Variants in ADAT3 observed in about 807,000 individuals in gnomAD.
ADAT3 encodes the protein adenosine deaminase tRNA specific 3.
Under a neutral mutation model 3.5 loss-of-function variants are expected in ADAT3, and 2 were observed. The observed-to-expected ratio is 0.57, with a 90% confidence interval of 0.23 to 1.79. The LOEUF is 1.79. ADAT3 is among the 40% of genes most tolerant of loss of function. The pLI is 0.18. For missense variants in ADAT3, 735 were observed against 571.4 expected (o/e 1.29, Z -2.92); for synonymous variants, 358 against 270.3 (o/e 1.32, Z -3.18).
At chr19:1,910,454 C>G (rs1428585948) in intron 1 of ADAT3, among the ~76,000 whole-genome samples, 1 of 151,930 alleles carries the variant, frequency 6.6e-6, no homozygotes, top group East Asian at 1.9e-4. Context: ...GGTGGTGAGA[C>G]AAGTTTTCTC....
Position 1,912,802 on chromosome 19 carries a change from AGGGCCGCGGCAC to A in ADAT3, c.756_767del (p.Gln252_Thr256delinsHis). The A allele has an allele frequency of 6.3e-7, 1 of 1,575,142 alleles. No homozygotes were observed. Among genetic ancestry groups the A allele is most frequent in the Non-Finnish European group, 8.6e-7 (1 of 1,168,978 alleles). On this transcript the variant is annotated inframe_deletion, in exon 2 of 2. Transcript: ENST00000329478. ...TGCGTGGACCTCGTGGCGCGCGGCC[AGGGCCGCGGCAC>A]CTACGACTTCAGACCCTTCCCCGCC...
chr19:1,908,978 G>A lies in ADAT3; in HGVS notation c.-158-2912G>A, dbSNP rs1268845197. ...AAATTAGCCGGGCGTGGTGGCATGT[G>A]CCTGTATTCCCAGCTACTAGGGGGG... On this transcript the variant is annotated intron_variant, in intron 1 of 1. Transcript: ENST00000329478. This position sits in a 1 kb window ranked among gnomAD's most constrained non-coding sequence, Gnocchi z 4.2. 6.6e-6 allele frequency among the ~76,000 whole-genome samples: 1 copy of A among 152,104 alleles called. No homozygotes were observed. The highest frequency in any genetic ancestry group is 2.4e-5 in the African/African-American group (1 of 41,402).
rs920345751 is a variant in ADAT3 at position 1,912,287 on chromosome 19, G to C, written c.240G>C (p.Ser80=). The C allele has an allele frequency of 3.2e-6, 5 of 1,577,000 alleles. No individual in the cohort carries two copies. The highest frequency in any genetic ancestry group is 1.2e-5 in the South Asian group (1 of 86,272). Residue 80 remains serine (S), a synonymous_variant, in exon 2 of 2, where the codon TCG becomes TCC. Coordinates refer to ENST00000329478, the MANE Select transcript of ADAT3 (RefSeq NM_138422.4). ...RQTSRLLKEV[S]ALHPLPAQPH... is the part of the protein sequence containing the mutation. The stretch of plus-strand genomic sequence containing the variant: ...CCTCACGCCTCCTGAAGGAGGTGTC[G>C]GCCCTGCACCCGCTCCCCGCCCAGC...
chr19:1,909,104 G>GA (rs774397199), intron 1 of ADAT3, among the ~76,000 whole-genome samples: 256 of 129,762 alleles, frequency 2.0e-3, no homozygotes, highest in Middle Eastern at 9.5e-3. Context: ...GACTCTGTCT[G>GA]AAAAAAAAAA....
At chr19:1,911,139 T>C (rs34062947) in intron 1 of ADAT3, among the ~76,000 whole-genome samples, 9,721 of 152,184 alleles carry the variant, frequency 0.064, 383 homozygotes, top group East Asian at 0.12. Context: ...CCTCCCAAAG[T>C]GCTAGGATTA....
Position 1,913,319 on chromosome 19 carries a change from T to G in ADAT3, c.*168T>G. ...GCCTTCCGTGCGGATCGAGCTTTCC[T>G]GGACTCGGTCATTGGGGCCACCCCG... On this transcript the variant is annotated 3_prime_UTR_variant, in exon 2 of 2. Transcript: ENST00000329478. 9.3e-7 allele frequency: 1 copy of G among 1,077,930 alleles called. No individual in the cohort carries two copies. Among genetic ancestry groups the G allele is most frequent in the South Asian group, 1.7e-5 (1 of 58,028 alleles). 66.8% of individuals were successfully genotyped at this position (1,077,930 alleles called of 1,614,324 possible).
Position 1,908,582 on chromosome 19 carries a change from C to T in ADAT3, c.-159+3143C>T, listed in dbSNP as rs1187535723. 2.1e-6 allele frequency: 1 copy of T among 470,966 alleles called. No homozygotes were observed. The highest frequency in any genetic ancestry group is 4.4e-6 in the Non-Finnish European group (1 of 227,042). The allele number at this position is 470,966 out of a possible 1,614,324, so 29.2% of individuals were successfully genotyped here. A position where few individuals can be genotyped will look rare whatever the true frequency, so the allele number is the denominator to read the frequency against. On this transcript the variant is annotated intron_variant, in intron 1 of 1. Transcript: ENST00000329478. This position sits in a 1 kb window ranked among gnomAD's most constrained non-coding sequence, Gnocchi z 4.2. ...CATTTTAAGATCATCTGCGGCTTAG[C>T]CCCAGCACCATCTGAGGCAGTACTG...
intron 1 of ADAT3, among the ~76,000 whole-genome samples, chr19:1,910,588 T>C (rs2145431415): frequency 6.7e-6 from 1 of 149,652 alleles, no homozygotes; most frequent in East Asian, 1.9e-4. Context: ...TTTTTTTTTT[T>C]TTTTTTTGAG....
Position 1,906,866 on chromosome 19 carries a change from T to TG in ADAT3, c.-159+1427_-159+1428insG, listed in dbSNP as rs1555836653. 383 of 130,076 alleles carry TG rather than the reference T, an allele frequency of 2.9e-3. 1 individual carries two copies. The highest frequency in any genetic ancestry group is 4.5e-3 in the East Asian group (19 of 4,216). The allele number at this position is 130,076 out of a possible 1,614,324, so 8.1% of individuals were successfully genotyped here. On this transcript the variant is annotated intron_variant, in intron 1 of 1. Coordinates refer to ENST00000329478, the MANE Select transcript of ADAT3 (RefSeq NM_138422.4). ...ACTCCGTCTCAAAAAAAAAAAAAAATTGTGTGTGTGTGTGTGTGTGTGTAA... is the reference window on the plus strand; with the variant it reads ...ACTCCGTCTCAAAAAAAAAAAAAAATGTGTGTGTGTGTGTGTGTGTGTGTAA...
At position 1,912,862 on chromosome 19, in the gene ADAT3, C is replaced by A; in HGVS notation, c.815C>A (p.Ala272Asp). The change falls in exon 2 of 2, where the codon GCC becomes GAC. Residue 272 changes from alanine to aspartate, a missense_variant. Physicochemically the swap from Ala to Asp is moderately radical, Grantham distance 126. Transcript: ENST00000329478. ...GCCTGCTCCTTCGCCCCGGCCGCTG[C>A]CCCCCAGGCCGTCCGCGCAGGCGCC... ...FPACSFAPAAAPQAVRAGAVR... is the reference protein window; with the variant it reads ...FPACSFAPAADPQAVRAGAVR... 1 of 1,598,740 alleles carries A rather than the reference C, an allele frequency of 6.3e-7. No individual in the cohort carries two copies. The highest frequency in any genetic ancestry group is 8.5e-7 in the Non-Finnish European group (1 of 1,177,134).
rs770500546 is a variant in ADAT3, at chr19:1,912,151, C to T, written c.104C>T (p.Pro35Leu). The T allele has an allele frequency of 1.3e-5, 20 of 1,566,390 alleles. No individual in the cohort carries two copies. The African/African-American group carries it at 1.6e-4, about 13-fold the overall frequency. ...CCCAAGTGCTTGGAGGCCGGGAGCC[C>T]GGAGCCTGAGCCGGCGCCGTGGCAG... ...EQPKCLEAGSPEPEPAPWQAL... is the reference protein window; with the variant it reads ...EQPKCLEAGSLEPEPAPWQAL... The change falls in exon 2 of 2, where the codon CCG becomes CTG. Residue 35 changes from proline (P) to leucine (L), a missense_variant. Physicochemically the swap from Pro to Leu is moderately conservative, Grantham distance 98. Transcript: ENST00000329478.
In ADAT3 at chr19:1,912,701, G is replaced by C; in HGVS notation, c.654G>C (p.Pro218=). ...LRAVGAVVVD[P]ASDRVLATGH... is the part of the protein sequence containing the mutation. ...CCGTGGGGGCCGTGGTAGTGGACCC[G>C]GCCTCGGACCGCGTGCTGGCCACCG... Residue 218 remains proline, a synonymous_variant, in exon 2 of 2, where the codon CCG becomes CCC. Coordinates refer to ENST00000329478, the MANE Select transcript of ADAT3 (RefSeq NM_138422.4). 2.0e-6 allele frequency: 3 copies of C among 1,488,800 alleles called. No homozygotes were observed. The highest frequency in any genetic ancestry group is 2.7e-6 in the Non-Finnish European group (3 of 1,127,926). 92.2% of individuals were successfully genotyped at this position (1,488,800 alleles called of 1,614,324 possible).
At position 1,912,914 on chromosome 19, in the gene ADAT3, C is replaced by T. The variant is rs188235892; in HGVS notation, c.867C>T (p.Asp289=). The T allele has an allele frequency of 9.9e-6, 16 of 1,609,502 alleles. No individual in the cohort carries two copies. Among genetic ancestry groups the T allele is most frequent in the Middle Eastern group, 1.7e-4 (1 of 6,056 alleles). The change falls in exon 2 of 2, where the codon GAC becomes GAT. Residue 289 remains aspartate (D), a synonymous_variant. Transcript: ENST00000329478. ...GAVRKLDADE[D]GLPYLCTGYD... The stretch of plus-strand genomic sequence containing the variant: ...TGCGTAAACTGGACGCAGACGAGGA[C>T]GGCCTCCCCTACCTGTGCACTGGCT...
At chr19:1,909,687 G>A (rs1181392627) in intron 1 of ADAT3, among the ~76,000 whole-genome samples, 3 of 152,298 alleles carry the variant, frequency 2.0e-5, no homozygotes, top group East Asian at 1.9e-4. Context: ...CACACTGCCC[G>A]GCAGTCAGGG....
At position 1,905,456 on chromosome 19, in the gene ADAT3, G is replaced by A; in HGVS notation, c.-159+17G>A. 2.2e-6 allele frequency: 1 copy of A among 458,756 alleles called. No homozygotes were observed. Among genetic ancestry groups the A allele is most frequent in the Non-Finnish European group, 4.5e-6 (1 of 221,142 alleles). The allele number at this position is 458,756 out of a possible 1,614,324, so 28.4% of individuals were successfully genotyped here. On this transcript the variant is annotated intron_variant, in intron 1 of 1. Coordinates refer to ENST00000329478, the MANE Select transcript of ADAT3 (RefSeq NM_138422.4). ...ATCCCTCAGGTAAGCGCGCGGCCCCGAGGTCTCGGGTTCTCCAGGCTCAGA... is the reference window on the plus strand; with the variant it reads ...ATCCCTCAGGTAAGCGCGCGGCCCCAAGGTCTCGGGTTCTCCAGGCTCAGA...
In ADAT3 at chr19:1,908,755, T is replaced by C. The variant is rs962433254; in HGVS notation, c.-158-3135T>C. The C allele has an allele frequency of 2.8e-6, 1 of 361,658 alleles. No individual in the cohort carries two copies. Among genetic ancestry groups the C allele is most frequent in the Non-Finnish European group, 5.4e-6 (1 of 184,666 alleles). The allele number at this position is 361,658 out of a possible 1,614,324, so 22.4% of individuals were successfully genotyped here. ...CTTAAGTGATCCTCTCGCCTTGGTCTCCTGAGTAGCTGGGACTACATGTGC... is the reference window on the plus strand; with the variant it reads ...CTTAAGTGATCCTCTCGCCTTGGTCCCCTGAGTAGCTGGGACTACATGTGC... On this transcript the variant is annotated intron_variant, in intron 1 of 1. Transcript: ENST00000329478. The surrounding 1 kb of genome is among the most constrained non-coding windows in gnomAD (Gnocchi z 4.2).
In ADAT3 at chr19:1,912,700, C is replaced by G. The variant is rs1033232406; in HGVS notation, c.653C>G (p.Pro218Arg). The G allele has an allele frequency of 8.1e-6, 12 of 1,485,908 alleles. No homozygotes were observed. The African/African-American group carries it at 1.8e-4, about 22-fold the overall frequency. 92.0% of individuals were successfully genotyped at this position (1,485,908 alleles called of 1,614,324 possible). A position where few individuals can be genotyped will look rare whatever the true frequency, so the allele number is the denominator to read the frequency against. ...LRAVGAVVVD[P>R]ASDRVLATGH... is the part of the protein sequence containing the mutation. ...GCCGTGGGGGCCGTGGTAGTGGACCCGGCCTCGGACCGCGTGCTGGCCACC... is the reference window on the plus strand; with the variant it reads ...GCCGTGGGGGCCGTGGTAGTGGACCGGGCCTCGGACCGCGTGCTGGCCACC... The change falls in exon 2 of 2, where the codon CCG becomes CGG. Residue 218 changes from proline to arginine, a missense_variant. By Grantham distance (103) the Pro-to-Arg change is moderately radical (BLOSUM62 -2). Transcript: ENST00000329478.
Position 1,913,080 on chromosome 19 carries a change from C to G in ADAT3, c.1033C>G (p.Leu345Val). The G allele has an allele frequency of 6.2e-7, 1 of 1,601,528 alleles. No homozygotes were observed. Among genetic ancestry groups the G allele is most frequent in the Non-Finnish European group, 8.5e-7 (1 of 1,178,382 alleles). The change falls in exon 2 of 2, where the codon CTC becomes GTC. Residue 345 changes from leucine (L) to valine (V), a missense_variant. Transcript: ENST00000329478. ...CTTCCGCATCCACGCACGGCCCGAC[C>G]TCAACCACCGCTTCCAGGTGTTCCG... ...TRFRIHARPD[L>V]NHRFQVFRGV...
At chr19:1,910,213 G>A (rs1338388519) in intron 1 of ADAT3, among the ~76,000 whole-genome samples, 2 of 152,240 alleles carry the variant, frequency 1.3e-5, no homozygotes, top group Non-Finnish European at 2.9e-5. Context: ...CCAGGGCTGT[G>A]TTGTCATCTG....
Sources: allele counts gnomAD v4.1 joint callset (sites outside exome capture counted in the v4.1 genomes callset), GRCh38; gene constraint gnomAD v4.1.1; non-coding constraint Gnocchi (gnomAD v3.1); transcripts MANE v1.5; gene names NCBI Gene and HGNC (gene_info 2026-07-23, HGNC 2026-07-21).